LRP1B: variants seen among roughly 807,000 people sequenced by gnomAD.
LRP1B encodes the protein LDL receptor related protein 1B.
In LRP1B, 217 loss-of-function variants were observed where a neutral mutation model predicts 556.6. The observed-to-expected ratio is 0.39, with a 90% CI of 0.35 to 0.44. The LOEUF is 0.44. LRP1B is among the 20% of genes least tolerant of loss of function. The pLI, the probability that LRP1B is intolerant of heterozygous loss-of-function variation, is 1.00. For missense variants in LRP1B, 5,053 were observed against 5,620.8 expected, an observed-to-expected ratio of 0.90 and a Z score of 3.23; for synonymous variants, 2,047 against 1,865.8, an observed-to-expected ratio of 1.10 and a Z score of -2.50.
At chr2:140,545,190 T>G (rs1680284841) in intron 43 of LRP1B, among the ~76,000 whole-genome samples, 1 of 151,820 alleles carries the variant, frequency 6.6e-6, no homozygotes, top group Non-Finnish European at 1.5e-5. Flanking sequence ...GTATTAGTCC[T>G]TTGTCGGACT....
intron 3 of LRP1B, among the ~76,000 whole-genome samples, chr2:141,465,872 G>A (rs1037472562): frequency 6.7e-6 from 1 of 149,226 alleles, no homozygotes. Context: ...TACCTCTCAG[G>A]TATGTTTTTT....
intron 18 of LRP1B, among the ~76,000 whole-genome samples, chr2:140,952,345 C>G (rs569636414): frequency 4.6e-5 from 7 of 151,888 alleles, no homozygotes; most frequent in East Asian, 1.9e-4. Flanking sequence ...TTTCTGAATA[C>G]AGAGAGCCAA....
intron 3 of LRP1B, among the ~76,000 whole-genome samples, chr2:141,278,797 T>C (rs1217105501): frequency 6.6e-6 from 1 of 152,122 alleles, no homozygotes; most frequent in Admixed American, 6.5e-5. Flanking sequence ...CTTTTGGGGG[T>C]AAAATATCCA....
chr2:141,549,344 T>C (rs1013756028), intron 2 of LRP1B, among the ~76,000 whole-genome samples: 2 of 152,174 alleles, frequency 1.3e-5, no homozygotes, highest in African/African-American at 4.8e-5. Flanking sequence ...CACTGTTAGC[T>C]AATTTTCAGA....
intron 2 of LRP1B, among the ~76,000 whole-genome samples, chr2:141,594,318 C>A (rs1687441173): frequency 6.6e-6 from 1 of 152,040 alleles, no homozygotes; most frequent in Non-Finnish European, 1.5e-5. Context: ...TGCAGAAAGA[C>A]CACAACACTG....
intron 18 of LRP1B, among the ~76,000 whole-genome samples, chr2:140,968,079 T>G (rs535775007): frequency 1.4e-5 from 2 of 147,066 alleles, no homozygotes; most frequent in Non-Finnish European, 3.0e-5. Flanking sequence ...CTTTTTCTAT[T>G]GATTGGAATA....
intron 3 of LRP1B, among the ~76,000 whole-genome samples, chr2:141,329,035 A>C (rs904704377): frequency 2.2e-4 from 33 of 152,234 alleles, no homozygotes; most frequent in African/African-American, 8.0e-4. Flanking sequence ...CTCTAATTGC[A>C]ATGACCATAT....
rs575928438 is a variant in LRP1B, at chr2:141,032,481, T to G, written c.1790-12379A>C. Among the ~76,000 whole-genome samples, 5 of 152,252 alleles carry G rather than the reference T, an allele frequency of 3.3e-5. No homozygotes were observed. The East Asian group carries it at 9.7e-4, about 30-fold the overall frequency. ...CAGTAGTGTGGGAAATATTTTCTTA[T>G]GTTCTAATATTACATATTATCAATC... On this transcript the variant is annotated intron_variant, in intron 11 of 90. Coordinates refer to ENST00000389484, the MANE Select transcript of LRP1B (RefSeq NM_018557.3).
At chr2:141,876,551 A>G (rs2053173) in intron 1 of LRP1B, among the ~76,000 whole-genome samples, 24,007 of 151,944 alleles carry the variant, frequency 0.16, 1,978 homozygotes, top group South Asian at 0.19. Context: ...CTATCACTTC[A>G]GAAGTTCAGT....
At chr2:141,100,767 C>T (rs1001538602) in intron 7 of LRP1B, among the ~76,000 whole-genome samples, 3 of 151,834 alleles carry the variant, frequency 2.0e-5, no homozygotes, top group Admixed American at 6.6e-5. Context: ...GAAGTGTTGC[C>T]CCTGATGCTT....
At position 140,598,648 on chromosome 2, in the gene LRP1B, C is replaced by T. The variant is rs767117823; in HGVS notation, c.7177G>A (p.Asp2393Asn). 9.3e-6 allele frequency: 15 copies of T among 1,612,956 alleles called. No individual in the cohort carries two copies. In the Admixed American group the frequency reaches 1.3e-4, roughly 14 times the overall value. ...SLGKIERCEY[D>N]GSQRHVIVKS... ...TAACTTACATGTCTCTGGGATCCATCGTATTCACACCTTTCAATTTTTCCT... is the reference window on the plus strand; with the variant it reads ...TAACTTACATGTCTCTGGGATCCATTGTATTCACACCTTTCAATTTTTCCT... Residue 2393 changes from aspartate (D) to asparagine (N), a missense_variant, in exon 43 of 91, where the codon GAT (aspartate) becomes AAT (asparagine). Asp to Asn is a conservative substitution (Grantham distance 23). Around this residue, in one of 5 missense-constraint regions of LRP1B, gnomAD observed 3,619 missense variants for 3,931.9 expected, o/e 0.92. Coordinates refer to ENST00000389484, the MANE Select transcript of LRP1B (RefSeq NM_018557.3).
chr2:140,647,139 C>A (rs560177245), intron 41 of LRP1B, among the ~76,000 whole-genome samples: 4 of 152,188 alleles, frequency 2.6e-5, no homozygotes, highest in African/African-American at 7.2e-5. Flanking sequence ...TCAAAACATA[C>A]CATATTCATC....
At chr2:141,043,104 G>A (rs938810481) in intron 11 of LRP1B, among the ~76,000 whole-genome samples, 79 of 151,444 alleles carry the variant, frequency 5.2e-4, no homozygotes, top group Admixed American at 1.9e-3. Flanking sequence ...TTGAGGGGCT[G>A]AGGAGGGAAG....
chr2:140,358,453 T>C (rs893026392), intron 73 of LRP1B, among the ~76,000 whole-genome samples: 2 of 151,752 alleles, frequency 1.3e-5, no homozygotes, highest in Non-Finnish European at 2.9e-5. Context: ...ATAAGTCTTT[T>C]GCATTAAAAA....
At chr2:140,387,566 T>C (rs1453395531) in intron 66 of LRP1B, among the ~76,000 whole-genome samples, 3 of 145,488 alleles carry the variant, frequency 2.1e-5, no homozygotes, top group Non-Finnish European at 4.5e-5. Context: ...AGATTTCAAA[T>C]GCATTTTTCT....
chr2:141,434,966 C>T (rs1680704139), intron 3 of LRP1B, among the ~76,000 whole-genome samples: 1 of 152,044 alleles, frequency 6.6e-6, no homozygotes, highest in Admixed American at 6.6e-5. Flanking sequence ...TAAATTTGAC[C>T]CTTTGTCATT....
chr2:142,049,604 C>A (rs1218748780), intron 1 of LRP1B, among the ~76,000 whole-genome samples: 2 of 152,060 alleles, frequency 1.3e-5, no homozygotes, highest in East Asian at 3.9e-4. Flanking sequence ...AGTCTTTCTT[C>A]CTTCTTTTAA....
intron 82 of LRP1B, among the ~76,000 whole-genome samples, chr2:140,318,333 C>CTTACA (rs1377280153): frequency 6.6e-6 from 1 of 152,006 alleles, no homozygotes. Context: ...AAGATTTTCT[C>CTTACA]TTACATTACA....
intron 35 of LRP1B, among the ~76,000 whole-genome samples, chr2:140,729,724 C>T (rs1559081587): frequency 6.6e-6 from 1 of 152,120 alleles, no homozygotes; most frequent in Admixed American, 6.5e-5. Flanking sequence ...CGTTACTTAT[C>T]ATTTTGTAGT....
Sources: allele counts gnomAD v4.1 joint callset (sites outside exome capture counted in the v4.1 genomes callset), GRCh38; gene constraint gnomAD v4.1.1; regional missense constraint gnomAD v4.1.1; transcripts MANE v1.5; gene names NCBI Gene and HGNC (gene_info 2026-07-23, HGNC 2026-07-21).